ANKS4B: variants seen among roughly 807,000 people sequenced by gnomAD.
ANKS4B encodes the protein ankyrin repeat and sterile alpha motif domain containing 4B.
In ANKS4B, 21 loss-of-function variants were observed where a neutral mutation model predicts 20.2. The observed-to-expected ratio is 1.04, with a 90% confidence interval of 0.74 to 1.50. The LOEUF is 1.50. Ranked by LOEUF, ANKS4B falls within the 40% of genes most tolerant of loss-of-function variation. The probability of loss-of-function intolerance (pLI) is 0.00; values close to 1 mark genes in which losing one functional copy is unlikely to be tolerated. For synonymous variants in ANKS4B, 179 were observed against 194.5 expected (o/e 0.92, Z 0.66); for missense variants, 473 against 494.6 (o/e 0.96, Z 0.41).
At chr16:21,238,106 G>T (rs2093322393) in intron 1 of ANKS4B, among the ~76,000 whole-genome samples, 1 of 152,162 alleles carries the variant, frequency 6.6e-6, no homozygotes, top group South Asian at 2.1e-4. Context: ...GGTGGTGGAG[G>T]TTGCAGTGAG....
chr16:21,235,678 G>C (rs1290192758), intron 1 of ANKS4B, among the ~76,000 whole-genome samples: 1 of 152,128 alleles, frequency 6.6e-6, no homozygotes, highest in Non-Finnish European at 1.5e-5. Flanking sequence ...GGCAGATAAA[G>C]GAAAAGGAGG....
chr16:21,237,274 G>T (rs1332083615), intron 1 of ANKS4B, among the ~76,000 whole-genome samples: 1 of 152,118 alleles, frequency 6.6e-6, no homozygotes, highest in African/African-American at 2.4e-5. Flanking sequence ...GCCCACCTCG[G>T]CCTCCCAAAG....
rs2093338815 is a variant in ANKS4B, at chr16:21,251,008, T to C, written c.*188T>C. ...CTATGCCCATCCAAATAAATCTCCA[T>C]GAGAAACTTGAGGAGACTTCATAAC... On this transcript the variant is annotated 3_prime_UTR_variant, in exon 2 of 2. Transcript: ENST00000311620. The C allele has an allele frequency of 3.1e-6, 2 of 645,324 alleles. No individual in the cohort carries two copies. Among genetic ancestry groups the C allele is most frequent in the Non-Finnish European group, 4.9e-6 (2 of 405,646 alleles). 40.0% of individuals were successfully genotyped at this position (645,324 alleles called of 1,614,324 possible).
chr16:21,247,728 T>G (rs2093334131), intron 1 of ANKS4B, among the ~76,000 whole-genome samples: 1 of 152,214 alleles, frequency 6.6e-6, no homozygotes, highest in African/African-American at 2.4e-5. Context: ...ACTCAAGTCC[T>G]TGTAGGAGAG....
intron 1 of ANKS4B, among the ~76,000 whole-genome samples, chr16:21,241,832 A>G (rs1159660035): frequency 6.6e-6 from 1 of 152,306 alleles, no homozygotes; most frequent in East Asian, 1.9e-4. Flanking sequence ...GTTATCTTCT[A>G]TACTTTTTGT....
chr16:21,234,298 T>G (rs1216199377), intron 1 of ANKS4B, among the ~76,000 whole-genome samples: 2 of 143,524 alleles, frequency 1.4e-5, no homozygotes, highest in Admixed American at 6.9e-5. Context: ...ATGGTTTTAG[T>G]TTTTTTTTTA....
At position 21,252,037 on chromosome 16, in the gene ANKS4B, T is replaced by A. The variant is rs1374752039; in HGVS notation, c.*1217T>A. On this transcript the variant is annotated 3_prime_UTR_variant, in exon 2 of 2. Transcript: ENST00000311620. Reference sequence around the variant, plus strand: ...ACCCCCGCCTCCCAGGTTCGAGCACTTTTCATGCCTCAGCCTCCTGAGTAG... The same window carrying A: ...ACCCCCGCCTCCCAGGTTCGAGCACATTTCATGCCTCAGCCTCCTGAGTAG... 1 of 151,968 alleles carries A rather than the reference T, an allele frequency of 6.6e-6. No homozygotes were observed. Among genetic ancestry groups the A allele is most frequent in the Admixed American group, 6.6e-5 (1 of 15,232 alleles). The allele number at this position is 151,968 out of a possible 1,614,324, so 9.4% of individuals were successfully genotyped here.
At chr16:21,244,438 C>T (rs2093330042) in intron 1 of ANKS4B, among the ~76,000 whole-genome samples, 1 of 152,130 alleles carries the variant, frequency 6.6e-6, no homozygotes, top group Non-Finnish European at 1.5e-5. Flanking sequence ...AATAAAAATT[C>T]AGTGAAATGA....
chr16:21,250,811 C>T lies in ANKS4B; in HGVS notation c.1245C>T (p.Thr415=), dbSNP rs200318882. 5.2e-4 allele frequency: 826 copies of T among 1,589,836 alleles called. No individual in the cohort carries two copies. Among genetic ancestry groups the T allele is most frequent in the Non-Finnish European group, 6.4e-4 (749 of 1,162,700 alleles). ...VLQQPGQLVD[T]SL ...AACAGCCTGGGCAGCTGGTCGACAC[C>T]AGCCTGTGATGGAGAGTTTTGGCCT... The change falls in exon 2 of 2, where the codon ACC becomes ACT. Residue 415 remains threonine (T), a synonymous_variant. Coordinates refer to ENST00000311620, the MANE Select transcript of ANKS4B (RefSeq NM_145865.3).
chr16:21,249,983 T>G lies in ANKS4B; in HGVS notation c.417T>G (p.Ala139=). ...AGGTCACCAGGCTGAAGGAGCAGGC[T>G]CAGAAGAATGCCAGGAGGCAGATCA... is the stretch of plus-strand genomic sequence containing the variant. ...PKKVTRLKEQ[A]QKNARRQIKE... is the part of the protein sequence containing the mutation. Residue 139 remains alanine, a synonymous_variant, in exon 2 of 2, where the codon GCT becomes GCG. Coordinates refer to ENST00000311620, the MANE Select transcript of ANKS4B (RefSeq NM_145865.3). 1 of 1,614,072 alleles carries G rather than the reference T, an allele frequency of 6.2e-7. No individual in the cohort carries two copies. The highest frequency in any genetic ancestry group is 1.1e-5 in the South Asian group (1 of 91,060).
chr16:21,236,375 C>A (rs8051325), intron 1 of ANKS4B, among the ~76,000 whole-genome samples: 32,604 of 152,004 alleles, frequency 0.21, 4,958 homozygotes, highest in African/African-American at 0.44. Context: ...TGTTCCCCAC[C>A]AAATCTCACA....
chr16:21,250,314 C>A lies in ANKS4B; in HGVS notation c.748C>A (p.Leu250Ile). ...DSFSGDFKEK[L>I]QLSAEEDGSV... ...GTTCTCAGGGGACTTCAAAGAGAAG[C>A]TCCAGTTGTCAGCAGAGGAGGACGG... Residue 250 changes from leucine to isoleucine, a missense_variant, in exon 2 of 2, where the codon CTC becomes ATC. Coordinates refer to ENST00000311620, the MANE Select transcript of ANKS4B (RefSeq NM_145865.3). The A allele has an allele frequency of 6.2e-7, 1 of 1,614,188 alleles. No individual in the cohort carries two copies. The highest frequency in any genetic ancestry group is 8.5e-7 in the Non-Finnish European group (1 of 1,180,036).
rs369111698 is a variant in ANKS4B at position 21,244,344 on chromosome 16, C to T, written c.165-5387C>T. ...GCTTAAAACCTAGATGACAGGTTGA[C>T]AGGTGCAGCAAACCACCATGGCACA... On this transcript the variant is annotated intron_variant, in intron 1 of 1. Transcript: ENST00000311620. 3.9e-5 allele frequency among the ~76,000 whole-genome samples: 6 copies of T among 152,196 alleles called. No homozygotes were observed. The South Asian group carries it at 1.0e-3, about 26-fold the overall frequency.
chr16:21,234,954 T>G (rs185387486), intron 1 of ANKS4B, among the ~76,000 whole-genome samples: 17 of 152,256 alleles, frequency 1.1e-4, no homozygotes, highest in African/African-American at 3.6e-4. Flanking sequence ...GCTCAAGTGG[T>G]CCTCCCATCT....
Position 21,233,767 on chromosome 16 carries a change from T to C in ANKS4B, c.30T>C (p.Ser10=). The part of the protein sequence containing the change: MSTRYHQAA[S]DSYLELLKEA... ...CTACTCGTTACCACCAAGCTGCTAG[T>C]GATAGTTACCTGGAACTTCTAAAAG... Residue 10 remains serine (S), a synonymous_variant, in exon 1 of 2, where the codon AGT becomes AGC. Transcript: ENST00000311620. 2 of 1,614,074 alleles carry C rather than the reference T, an allele frequency of 1.2e-6. No individual in the cohort carries two copies. Among genetic ancestry groups the C allele is most frequent in the Non-Finnish European group, 1.7e-6 (2 of 1,179,964 alleles).
chr16:21,237,000 T>C (rs2152859158), intron 1 of ANKS4B, among the ~76,000 whole-genome samples: 1 of 152,272 alleles, frequency 6.6e-6, no homozygotes, highest in East Asian at 1.9e-4. Context: ...TGACTATCCT[T>C]GTACATAAAT....
chr16:21,243,738 A>AT (rs560297212), intron 1 of ANKS4B: 21 of 151,758 alleles, frequency 1.4e-4, no homozygotes, highest in East Asian at 1.4e-3. Context: ...TGCCTGGCTA[A>AT]TTTTTTTTGT....
At chr16:21,234,710 C>G (rs775606749) in intron 1 of ANKS4B, among the ~76,000 whole-genome samples, 34 of 152,074 alleles carry the variant, frequency 2.2e-4, no homozygotes, top group Non-Finnish European at 4.7e-4. Context: ...TTGTTATGTG[C>G]CAGCCACTTA....
At position 21,233,781 on chromosome 16, in the gene ANKS4B, A is replaced by G. The variant is rs369150527; in HGVS notation, c.44A>G (p.Glu15Gly). The change falls in exon 1 of 2, where the codon GAA (glutamate) becomes GGA (glycine). Residue 15 changes from glutamate (E) to glycine (G), a missense_variant. Coordinates refer to ENST00000311620, the MANE Select transcript of ANKS4B (RefSeq NM_145865.3). ...YHQAASDSYL[E>G]LLKEATKRDL... ...CAAGCTGCTAGTGATAGTTACCTGG[A>G]ACTTCTAAAAGAGGCTACCAAGCGA... 6.7e-5 allele frequency: 108 copies of G among 1,613,906 alleles called. No homozygotes were observed. The highest frequency in any genetic ancestry group is 8.7e-5 in the Non-Finnish European group (103 of 1,179,974).
Sources: gnomAD v4.1 joint callset for allele counts (sites outside exome capture counted in the v4.1 genomes callset) on GRCh38, gnomAD v4.1.1 for gene constraint, MANE v1.5 for transcripts, NCBI Gene and HGNC (gene_info 2026-07-23, HGNC 2026-07-21) for gene names.